JAKMIP3: variants seen among roughly 807,000 people sequenced by gnomAD.
JAKMIP3 encodes Janus kinase and microtubule interacting protein 3.
Under a neutral mutation model 118.5 loss-of-function variants are expected in JAKMIP3, and 58 were observed. That is an observed-to-expected ratio of 0.49 (90% CI 0.40 to 0.61). The LOEUF (loss-of-function observed/expected upper bound fraction) is 0.61. Among genes scored for constraint, JAKMIP3 ranks in the 20% least tolerant of loss-of-function variants. JAKMIP3 has a pLI of 0.00. For synonymous variants in JAKMIP3, 486 were observed against 451.2 expected, an observed-to-expected ratio of 1.08 and a Z score of -0.98; for missense variants, 950 against 1,109.0, an observed-to-expected ratio of 0.86 and a Z score of 2.04.
At chr10:132,128,811 T>C (rs986608759) in intron 3 of JAKMIP3, among the ~76,000 whole-genome samples, 2 of 152,236 alleles carry the variant, frequency 1.3e-5, no homozygotes, top group Admixed American at 6.5e-5. Flanking sequence ...TAGAAAAATA[T>C]AAAGTTTTAA....
intron 3 of JAKMIP3, 46 bp from the exon 4 acceptor site, chr10:132,133,266 A>T: frequency 6.8e-7 from 1 of 1,467,900 alleles, no homozygotes; most frequent in Non-Finnish European, 9.3e-7. Flanking sequence ...GTAACTGCAG[A>T]TCCGTGTCCT....
chr10:132,163,333 G>C lies in JAKMIP3; in HGVS notation c.2345G>C (p.Arg782Pro), dbSNP rs376017609. 1.2e-6 allele frequency: 2 copies of C among 1,609,690 alleles called. No individual in the cohort carries two copies. The highest frequency in any genetic ancestry group is 1.7e-6 in the Non-Finnish European group (2 of 1,179,362). ...KLKVAVEQWK[R>P]QVMSELRERD... ...AAGGTGGCCGTGGAGCAGTGGAAGCGCCAGGTCATGAGTGAGCTGCGCGAG... is the reference window on the plus strand; with the variant it reads ...AAGGTGGCCGTGGAGCAGTGGAAGCCCCAGGTCATGAGTGAGCTGCGCGAG... The change falls in exon 20 of 24, where the codon CGC becomes CCC. Residue 782 changes from arginine (R) to proline (P), a missense_variant. Physicochemically the swap from Arg to Pro is moderately radical, Grantham distance 103 (BLOSUM62 -2). Transcript: ENST00000684848.
chr10:132,092,854 G>A (rs2043272380), intron 1 of JAKMIP3, among the ~76,000 whole-genome samples: 1 of 152,170 alleles, frequency 6.6e-6, no homozygotes. Flanking sequence ...CTGATTTTTA[G>A]AATTTCCAGC....
intron 1 of JAKMIP3, among the ~76,000 whole-genome samples, chr10:132,038,834 T>G (rs558943371): frequency 1.3e-5 from 2 of 150,068 alleles, no homozygotes; most frequent in South Asian, 4.2e-4. Flanking sequence ...ACTTGCTGCA[T>G]GTATGGCAGG....
intron 1 of JAKMIP3, among the ~76,000 whole-genome samples, chr10:132,058,696 G>A (rs2038311725): frequency 6.6e-6 from 1 of 152,214 alleles, no homozygotes; most frequent in South Asian, 2.1e-4. Flanking sequence ...GTGGGGAGGG[G>A]ACGCACCCGG....
intron 3 of JAKMIP3, among the ~76,000 whole-genome samples, chr10:132,129,671 G>C (rs1048246881): frequency 6.6e-6 from 1 of 152,188 alleles, no homozygotes; most frequent in Admixed American, 6.5e-5. Flanking sequence ...CAGGCTCAGG[G>C]ATCTGCCTGT....
At chr10:132,062,522 C>G (rs1057172420), upstream of JAKMIP3, among the ~76,000 whole-genome samples, 1 of 119,876 alleles carries the variant, frequency 8.3e-6, no homozygotes, top group Non-Finnish European at 1.8e-5. Flanking sequence ...TGCGGGGATA[C>G]AGCGAAGATG....
chr10:132,139,089 TGC>T (rs1391476559), intron 9 of JAKMIP3, among the ~76,000 whole-genome samples: 3 of 135,234 alleles, frequency 2.2e-5, no homozygotes, highest in African/African-American at 8.3e-5. Context: ...TGTGTGTGAG[TGC>T]GTGTATGTGT....
chr10:132,153,882 G>T, intron 18 of JAKMIP3, 31 bp from the exon 19 acceptor site: 1 of 1,612,812 alleles, frequency 6.2e-7, no homozygotes, highest in South Asian at 1.1e-5. Flanking sequence ...TGGGACATCC[G>T]AGACCGAGGC....
At position 132,180,788 on chromosome 10, in the gene JAKMIP3, T is replaced by TGTGCGTGTGTGTGTGTGC. The variant is rs1491365450; in HGVS notation, c.*1104-1569_*1104-1568insGTGCGTGTGTGTGTGTGC. Among the ~76,000 whole-genome samples, 2 of 10,728 alleles carry TGTGCGTGTGTGTGTGTGC rather than the reference T, an allele frequency of 1.9e-4. 1 individual carries two copies. The highest frequency in any genetic ancestry group is 6.9e-4 in the African/African-American group (2 of 2,900). The allele number at this position is 10,728 out of a possible 152,430, so 7.0% of individuals were successfully genotyped here. On this transcript the variant is annotated intron_variant, in intron 23 of 23. Transcript: ENST00000684848. ...GTGTGTGCGTGTGTGTGTGTGCGCG[T>TGTGCGTGTGTGTGTGTGC]ATGCATGTGCTGTGAGTGGTGTGTT...
chr10:132,081,152 A>G (rs1162710101), intron 1 of JAKMIP3, among the ~76,000 whole-genome samples: 1 of 151,896 alleles, frequency 6.6e-6, no homozygotes. Flanking sequence ...GTCCAACTTC[A>G]TTCTTTTGCA....
At chr10:132,138,756 T>C (rs1344805091) in intron 9 of JAKMIP3, among the ~76,000 whole-genome samples, 1 of 152,102 alleles carries the variant, frequency 6.6e-6, no homozygotes, top group African/African-American at 2.4e-5. Flanking sequence ...CCCCACGACC[T>C]GTGGGATGCA....
At chr10:132,092,959 C>G (rs1048974686) in intron 1 of JAKMIP3, among the ~76,000 whole-genome samples, 1 of 152,064 alleles carries the variant, frequency 6.6e-6, no homozygotes, top group African/African-American at 2.4e-5. Flanking sequence ...TGTGGATGTC[C>G]TTTCTGTTTG....
chr10:132,150,373 C>T (rs114418787), intron 16 of JAKMIP3, among the ~76,000 whole-genome samples: 1,860 of 152,300 alleles, frequency 0.012, 34 homozygotes, highest in African/African-American at 0.043. Flanking sequence ...TTAGGGGTTC[C>T]ACTTCCTTGG....
intron 1 of JAKMIP3, among the ~76,000 whole-genome samples, chr10:132,040,450 A>G (rs1024834998): frequency 1.3e-5 from 2 of 152,028 alleles, no homozygotes; most frequent in East Asian, 3.9e-4. Flanking sequence ...CTGACCGCTG[A>G]TGGGTTTGCA....
intron 19 of JAKMIP3, among the ~76,000 whole-genome samples, chr10:132,160,187 T>TG (rs1392725808): frequency 1.1e-4 from 1 of 9,392 alleles, no homozygotes; most frequent in African/African-American, 3.5e-4. Context: ...TGATGCTGGG[T>TG]GGGCCTCTCC....
Position 132,117,630 on chromosome 10 carries a change from AGGGTGCAGGGGCGGGCGTGGGCG to A in JAKMIP3, c.633+57_633+79del. ...GAGGGTGCAGGGGCGGGCGTGGGCG[AGGGTGCAGGGGCGGGCGTGGGCG>A]AGGGTGCAGGCGTGGGCTCGGGGAG... is the stretch of plus-strand genomic sequence containing the variant. On this transcript the variant is annotated intron_variant, in intron 3 of 23. Coordinates refer to ENST00000684848, the MANE Select transcript of JAKMIP3 (RefSeq NM_001323087.2). This position sits in a 1 kb window ranked among gnomAD's most constrained non-coding sequence, Gnocchi z 8.6. 9.1e-6 allele frequency: 7 copies of A among 765,532 alleles called. No individual in the cohort carries two copies. The highest frequency in any genetic ancestry group is 3.4e-5 in the East Asian group (1 of 29,032). The allele number at this position is 765,532 out of a possible 1,614,324, so 47.4% of individuals were successfully genotyped here. A position where few individuals can be genotyped will look rare whatever the true frequency, so the allele number is the denominator to read the frequency against.
chr10:132,153,070 G>C (rs373630274), intron 17 of JAKMIP3, 47 bp downstream of exon 17: 2 of 1,473,346 alleles, frequency 1.4e-6, no homozygotes, highest in African/African-American at 2.8e-5. Flanking sequence ...GGCTCCTGGG[G>C]TCTCCTGCCC....
chr10:132,184,063 A>C lies in JAKMIP3; in HGVS notation c.*2810A>C, dbSNP rs935765080. On this transcript the variant is annotated 3_prime_UTR_variant, in exon 24 of 24. Transcript: ENST00000684848. ...AATGTTGCCAGAAATGTACTGTTAC[A>C]TCAACATTTACATTATATTAACATC... The C allele has an allele frequency of 6.6e-6, 1 of 152,258 alleles. No homozygotes were observed. The highest frequency in any genetic ancestry group is 2.4e-5 in the African/African-American group (1 of 41,468). 9.4% of individuals were successfully genotyped at this position (152,258 alleles called of 1,614,324 possible).
Sources: gnomAD v4.1 joint callset for allele counts (sites outside exome capture counted in the v4.1 genomes callset) on GRCh38, gnomAD v4.1.1 for gene constraint, Gnocchi (gnomAD v3.1) non-coding constraint, MANE v1.5 for transcripts, NCBI Gene and HGNC (gene_info 2026-07-23, HGNC 2026-07-21) for gene names.